ANKFN1: variants seen among roughly 807,000 people sequenced by gnomAD.
ANKFN1 encodes ankyrin repeat and fibronectin type III domain containing 1.
In ANKFN1, 74 loss-of-function variants were observed where a neutral mutation model predicts 108.7. The ratio of observed to expected loss-of-function variants is 0.68; its 90% CI spans 0.56 to 0.83. ANKFN1 has a LOEUF of 0.83. Among genes scored for constraint, ANKFN1 ranks in the 40% least tolerant of loss-of-function variants. ANKFN1 has a pLI of 0.00. For missense variants in ANKFN1, 1,505 were observed against 1,382.3 expected (o/e 1.09, Z -1.41); for synonymous variants, 547 against 516.2 (o/e 1.06, Z -0.81).
chr17:56,503,819 A>G (rs1567712378), intron 20 of ANKFN1, among the ~76,000 whole-genome samples: 1 of 152,048 alleles, frequency 6.6e-6, no homozygotes, highest in African/African-American at 2.4e-5. Flanking sequence ...ACTTTCATCA[A>G]ACAGCTCCTG....
chr17:56,142,324 C>T (rs558392019), intron 4 of ANKFN1, among the ~76,000 whole-genome samples: 16 of 152,278 alleles, frequency 1.1e-4, no homozygotes, highest in African/African-American at 1.9e-4. Flanking sequence ...TGGGTGGAAA[C>T]GACAAGTTGC....
intron 4 of ANKFN1, among the ~76,000 whole-genome samples, chr17:56,046,899 A>G (rs572368849): frequency 1.3e-5 from 2 of 152,336 alleles, no homozygotes; most frequent in East Asian, 3.9e-4. Context: ...CATTTTACCC[A>G]TCCTCTCAGC....
At chr17:56,271,476 CAG>C (rs1391161996) in intron 3 of ANKFN1, among the ~76,000 whole-genome samples, 2 of 152,164 alleles carry the variant, frequency 1.3e-5, no homozygotes. Context: ...CTGTTTAACC[CAG>C]AGTCATACAT....
chr17:56,340,176 T>C (rs2045923525), intron 4 of ANKFN1, among the ~76,000 whole-genome samples: 1 of 152,206 alleles, frequency 6.6e-6, no homozygotes, highest in Non-Finnish European at 1.5e-5. Context: ...GTAAATTTGT[T>C]TAAGTTCCTT....
chr17:56,210,797 G>A (rs1238614196), intron 1 of ANKFN1, among the ~76,000 whole-genome samples: 3 of 152,132 alleles, frequency 2.0e-5, no homozygotes, highest in Non-Finnish European at 1.5e-5. Context: ...AGCCAGCAAG[G>A]GAAATGCCAG....
chr17:56,493,064 A>G (rs933537037), intron 19 of ANKFN1, among the ~76,000 whole-genome samples: 3 of 152,182 alleles, frequency 2.0e-5, no homozygotes, highest in Admixed American at 6.6e-5. Flanking sequence ...AAATATCACT[A>G]TGATACATAT....
chr17:56,385,061 T>C (rs1423305778), intron 8 of ANKFN1, among the ~76,000 whole-genome samples: 1 of 151,560 alleles, frequency 6.6e-6, no homozygotes, highest in East Asian at 1.9e-4. Flanking sequence ...GCTACCTGAC[T>C]TCAAACTATA....
At chr17:56,065,880 GC>G (rs1403808366) in intron 4 of ANKFN1, among the ~76,000 whole-genome samples, 1 of 152,194 alleles carries the variant, frequency 6.6e-6, no homozygotes, top group East Asian at 1.9e-4. Context: ...GTGAGCACAT[GC>G]TGTTTAAAAA....
chr17:56,488,384 C>A (rs1201151261), intron 18 of ANKFN1, among the ~76,000 whole-genome samples: 1 of 152,060 alleles, frequency 6.6e-6, no homozygotes, highest in Non-Finnish European at 1.5e-5. Context: ...GCCAGAGAGT[C>A]TGAATAAGAG....
chr17:56,167,249 A>G (rs534615696), intron 1 of ANKFN1, among the ~76,000 whole-genome samples: 42 of 139,292 alleles, frequency 3.0e-4, no homozygotes, highest in African/African-American at 1.1e-3. Context: ...GTGTGTATAT[A>G]TGTATGTGTG....
chr17:56,395,398 G>C (rs1175057884), intron 8 of ANKFN1, among the ~76,000 whole-genome samples: 2 of 152,182 alleles, frequency 1.3e-5, no homozygotes, highest in Non-Finnish European at 2.9e-5. Flanking sequence ...CCAACTAGCA[G>C]CCCAAGGGCA....
chr17:56,312,736 C>A (rs1451939922), intron 3 of ANKFN1, among the ~76,000 whole-genome samples: 2 of 152,182 alleles, frequency 1.3e-5, no homozygotes, highest in African/African-American at 4.8e-5. Flanking sequence ...CTATGCTAAA[C>A]CTTGGGGTAT....
chr17:56,450,052 A>G (rs1330818028), intron 11 of ANKFN1, among the ~76,000 whole-genome samples: 1 of 152,198 alleles, frequency 6.6e-6, no homozygotes, highest in Non-Finnish European at 1.5e-5. Context: ...TAAAGCCTAC[A>G]TGAAGTTTTC....
chr17:56,307,861 A>G (rs2044879656), intron 3 of ANKFN1, among the ~76,000 whole-genome samples: 1 of 152,234 alleles, frequency 6.6e-6, no homozygotes, highest in African/African-American at 2.4e-5. Context: ...GGATTAAGAA[A>G]ATGTGGCACA....
At chr17:56,420,898 C>T (rs1023001108) in intron 8 of ANKFN1, among the ~76,000 whole-genome samples, 7 of 151,748 alleles carry the variant, frequency 4.6e-5, no homozygotes, top group South Asian at 2.1e-4. Flanking sequence ...TTAGTAGAGA[C>T]GGGGTTTCAC....
At chr17:56,177,275 G>A (rs2143604325) in intron 1 of ANKFN1, among the ~76,000 whole-genome samples, 1 of 152,344 alleles carries the variant, frequency 6.6e-6, no homozygotes, top group Middle Eastern at 3.4e-3. Flanking sequence ...CGGGGTCCAT[G>A]TTTAAGGGGG....
intron 8 of ANKFN1, among the ~76,000 whole-genome samples, chr17:56,414,266 G>T (rs62072861): frequency 0.13 from 19,405 of 152,170 alleles, 1,603 homozygotes; most frequent in Middle Eastern, 0.2. Flanking sequence ...TAGGAATGGT[G>T]CCAGCTCTTC....
intron 2 of ANKFN1, among the ~76,000 whole-genome samples, chr17:56,216,229 A>G (rs1915417864): frequency 6.6e-6 from 1 of 152,242 alleles, no homozygotes; most frequent in Non-Finnish European, 1.5e-5. Context: ...CTTTCATATT[A>G]TCCACAGCAG....
intron 3 of ANKFN1, among the ~76,000 whole-genome samples, chr17:56,290,897 C>G (rs1160896891): frequency 2.0e-5 from 3 of 152,080 alleles, no homozygotes; most frequent in Non-Finnish European, 4.4e-5. Flanking sequence ...GACATGAAGA[C>G]AAGCTTTCAT....
Sources: gnomAD v4.1 joint callset for allele counts (sites outside exome capture counted in the v4.1 genomes callset) on GRCh38, gnomAD v4.1.1 for gene constraint, MANE v1.5 for transcripts, NCBI Gene and HGNC (gene_info 2026-07-23, HGNC 2026-07-21) for gene names.